Variants in ZEB1 observed in about 807,000 individuals in gnomAD.
The protein encoded by ZEB1 is zinc finger E-box binding homeobox 1.
In ZEB1, 21 loss-of-function variants were observed where a neutral mutation model predicts 84.9. That is an observed-to-expected ratio of 0.25 (90% CI 0.18 to 0.36). ZEB1 has a LOEUF of 0.36. Ranked by LOEUF, ZEB1 falls within the 10% of genes least tolerant of loss-of-function variation. The pLI, the probability that ZEB1 is intolerant of heterozygous loss-of-function variation, is 1.00. For missense variants in ZEB1, 1,104 were observed against 1,330.2 expected (o/e 0.83, Z 2.65); for synonymous variants, 420 against 471.1 (o/e 0.89, Z 1.41).
Position 31,520,410 on chromosome 10 carries a change from G to C in ZEB1, c.1078G>C (p.Val360Leu), listed in dbSNP as rs1346473581. Residue 360 changes from valine (V) to leucine (L), a missense_variant, in exon 7 of 9, where the codon GTG becomes CTG. By Grantham distance (32) the Val-to-Leu change is conservative (BLOSUM62 1). This residue lies in a region of ZEB1 where 111 missense variants were observed against 161.8 expected (regional missense o/e 0.69). Coordinates refer to ENST00000424869, the MANE Select transcript of ZEB1 (RefSeq NM_001174096.2). The surrounding 1 kb of genome is among the most constrained non-coding windows in gnomAD (Gnocchi z 5.1). Reference protein sequence around the residue: ...EPVDYEFKPIVVASGINCSTP... With the variant: ...EPVDYEFKPILVASGINCSTP... ...TGTGGATTATGAATTCAAACCCATA[G>C]TGGTTGCTTCAGGAATCAACTGTTC... The C allele has an allele frequency of 6.2e-7, 1 of 1,613,960 alleles. No homozygotes were observed. Among genetic ancestry groups the C allele is most frequent in the South Asian group, 1.1e-5 (1 of 91,068 alleles).
chr10:31,327,935 C>G (rs565515496), intron 1 of ZEB1, among the ~76,000 whole-genome samples: 1 of 152,228 alleles, frequency 6.6e-6, no homozygotes, highest in South Asian at 2.1e-4. Context: ...TCCTTGCTAG[C>G]TGTTTGGGTT....
At chr10:31,347,054 T>TTAA (rs2040439217) in intron 1 of ZEB1, among the ~76,000 whole-genome samples, 2 of 152,170 alleles carry the variant, frequency 1.3e-5, no homozygotes, top group Admixed American at 1.3e-4. Flanking sequence ...AAGCTCAGCT[T>TTAA]TAATAATGAG....
chr10:31,458,178 A>G (rs932386813), intron 1 of ZEB1, among the ~76,000 whole-genome samples: 2 of 152,150 alleles, frequency 1.3e-5, no homozygotes, highest in Admixed American at 1.3e-4. Context: ...AATACTTACC[A>G]TGTTCTAATT....
intron 1 of ZEB1, chr10:31,319,569 T>G: frequency 1.6e-4 from 59 of 379,658 alleles, no homozygotes; most frequent in East Asian, 4.4e-4. Context: ...CCTGGACCGT[T>G]AGCCGGCGCC....
chr10:31,468,716 A>G (rs2062761492), intron 2 of ZEB1, among the ~76,000 whole-genome samples: 1 of 152,210 alleles, frequency 6.6e-6, no homozygotes. Context: ...CGTAGAAGCA[A>G]AGCCAAAGGA....
intron 4 of ZEB1, among the ~76,000 whole-genome samples, chr10:31,504,137 G>A (rs11596865): frequency 2.6e-5 from 4 of 151,958 alleles, no homozygotes; most frequent in Non-Finnish European, 5.9e-5. Context: ...ATTTTTGTAT[G>A]TGGTGAGAAA....
At chr10:31,319,176 G>C, upstream of ZEB1, 1 of 1,128,594 alleles carries the variant, frequency 8.9e-7, no homozygotes, top group Non-Finnish European at 1.2e-6. Flanking sequence ...AGGGGTGGGG[G>C]GGAAGGGGGA....
intron 2 of ZEB1, among the ~76,000 whole-genome samples, chr10:31,461,536 G>T (rs943138876): frequency 6.6e-6 from 1 of 151,860 alleles, no homozygotes; most frequent in Non-Finnish European, 1.5e-5. Flanking sequence ...TTGTAACCCC[G>T]AATGAATACT....
chr10:31,481,226 A>G (rs1350880521), intron 2 of ZEB1, among the ~76,000 whole-genome samples: 1 of 152,146 alleles, frequency 6.6e-6, no homozygotes, highest in East Asian at 1.9e-4. Context: ...TGGAAGTATC[A>G]GTATGAACTT....
chr10:31,435,410 G>T (rs746472616), intron 1 of ZEB1, among the ~76,000 whole-genome samples: 4 of 152,190 alleles, frequency 2.6e-5, no homozygotes, highest in African/African-American at 9.7e-5. Flanking sequence ...ATCAACAATA[G>T]AAAACTAATA....
chr10:31,334,440 A>G (rs1004198284), intron 1 of ZEB1, among the ~76,000 whole-genome samples: 13 of 152,118 alleles, frequency 8.5e-5, no homozygotes, highest in African/African-American at 9.7e-5. Flanking sequence ...ATTATTGTAC[A>G]CGACAACTTA....
At chr10:31,472,420 C>T (rs912646046) in intron 2 of ZEB1, among the ~76,000 whole-genome samples, 15 of 152,142 alleles carry the variant, frequency 9.9e-5, no homozygotes, top group African/African-American at 1.4e-4. Context: ...TCAGAGAATA[C>T]TACAAATACC....
chr10:31,347,154 C>T (rs1211630600), intron 1 of ZEB1, among the ~76,000 whole-genome samples: 1 of 151,850 alleles, frequency 6.6e-6, no homozygotes, highest in Non-Finnish European at 1.5e-5. Flanking sequence ...GTTTTTCTTC[C>T]CTATGAGGAA....
intron 1 of ZEB1, among the ~76,000 whole-genome samples, chr10:31,335,665 T>G (rs1324570218): frequency 6.6e-6 from 1 of 152,176 alleles, no homozygotes; most frequent in Non-Finnish European, 1.5e-5. Context: ...CCTACCTTCT[T>G]TCCACTTCAT....
chr10:31,361,024 C>T (rs2042956727), intron 1 of ZEB1: 1 of 1,610,064 alleles, frequency 6.2e-7, no homozygotes, highest in South Asian at 1.1e-5. Context: ...TCCTGCTTAC[C>T]ATCTTATTTT....
chr10:31,349,150 G>A (rs777111485), intron 1 of ZEB1, among the ~76,000 whole-genome samples: 9 of 152,020 alleles, frequency 5.9e-5, no homozygotes, highest in Non-Finnish European at 1.3e-4. Flanking sequence ...TAGATTCCAC[G>A]TATAAGTGAG....
intron 8 of ZEB1, among the ~76,000 whole-genome samples, chr10:31,524,987 G>C (rs943341280): frequency 6.6e-6 from 1 of 152,202 alleles, no homozygotes; most frequent in African/African-American, 2.4e-5. Context: ...ATAGCTCACA[G>C]GCCAAATGTG....
chr10:31,441,886 A>G (rs1208602038), intron 1 of ZEB1, among the ~76,000 whole-genome samples: 2 of 152,228 alleles, frequency 1.3e-5, no homozygotes, highest in Non-Finnish European at 2.9e-5. Flanking sequence ...TAGAATGGCA[A>G]TCATTAAAAA....
chr10:31,452,753 GA>G (rs2060758038), intron 1 of ZEB1, among the ~76,000 whole-genome samples: 1 of 122,526 alleles, frequency 8.2e-6, no homozygotes. Flanking sequence ...GAGAGAGAGA[GA>G]GAGAGAGAGA....
Sources: gnomAD v4.1 joint callset for allele counts (sites outside exome capture counted in the v4.1 genomes callset) on GRCh38, gnomAD v4.1.1 for gene constraint, gnomAD v4.1.1 regional missense constraint, Gnocchi (gnomAD v3.1) non-coding constraint, MANE v1.5 for transcripts, NCBI Gene and HGNC (gene_info 2026-07-23, HGNC 2026-07-21) for gene names.